The following GNAT1 variants were observed in gnomAD, a reference collection of about 807,000 sequenced individuals.
The protein encoded by GNAT1 is guanine nucleotide-binding protein G(t) subunit alpha-1.
In GNAT1, 36 loss-of-function variants were observed where a neutral mutation model predicts 40.0. The ratio of observed to expected loss-of-function variants is 0.90; its 90% CI spans 0.69 to 1.19. The LOEUF (loss-of-function observed/expected upper bound fraction) is 1.19. Ranked by LOEUF, GNAT1 falls within the 50% of genes most tolerant of loss-of-function variation. GNAT1 has a pLI of 0.00. For missense variants in GNAT1, 413 were observed against 480.6 expected (o/e 0.86, Z 1.32); for synonymous variants, 195 against 192.9 (o/e 1.01, Z -0.09).
At position 50,194,404 on chromosome 3, in the gene GNAT1, C is replaced by T; in HGVS notation, c.709-97C>T. 2.0e-6 allele frequency: 3 copies of T among 1,469,372 alleles called. No individual in the cohort carries two copies. Among genetic ancestry groups the T allele is most frequent in the Non-Finnish European group, 2.8e-6 (3 of 1,070,074 alleles). 91.0% of individuals were successfully genotyped at this position (1,469,372 alleles called of 1,614,324 possible). On this transcript the variant is annotated intron_variant, in intron 6 of 8. Coordinates refer to ENST00000232461, the MANE Select transcript of GNAT1 (RefSeq NM_144499.3). The surrounding 1 kb of genome is among the most constrained non-coding windows in gnomAD (Gnocchi z 6.1). ...GCAGTGCGGGGAGCCCTCTGAGAGC[C>T]AGCTGAGCGGGAAGCCCCGCGTGCC... is the stretch of plus-strand genomic sequence containing the variant.
rs924320609 is a variant in GNAT1, at chr3:50,195,284, G to A, written c.*18G>A. ...TTTTCACAGGTGCCTGAATTCATGC[G>A]TGTCAGTCACCCTGAGACCTGGTAG... On this transcript the variant is annotated 3_prime_UTR_variant, in exon 9 of 9. Transcript: ENST00000232461. The A allele has an allele frequency of 1.1e-4, 45 of 414,626 alleles. No homozygotes were observed. The highest frequency in any genetic ancestry group is 2.5e-4 in the Admixed American group (7 of 27,754). The allele number at this position is 414,626 out of a possible 1,614,324, so 25.7% of individuals were successfully genotyped here.
Position 50,193,139 on chromosome 3 carries a change from G to A in GNAT1, c.113G>A (p.Gly38Asp), listed in dbSNP as rs104893740. The A allele has an allele frequency of 6.2e-7, 1 of 1,613,924 alleles. No individual in the cohort carries two copies. Among genetic ancestry groups the A allele is most frequent in the South Asian group, 1.1e-5 (1 of 91,084 alleles). Residue 38 changes from glycine to aspartate, a missense_variant, in exon 2 of 9, where the codon GGT (glycine) becomes GAT (aspartate). Transcript: ENST00000232461. The surrounding 1 kb of genome is among the most constrained non-coding windows in gnomAD (Gnocchi z 8.1). ...RTVKLLLLGA[G>D]ESGKSTIVKQ... ...GGCGCCGCGTCTCTTTCAGGTGCCGGTGAGTCCGGGAAGAGCACCATCGTC... is the reference window on the plus strand; with the variant it reads ...GGCGCCGCGTCTCTTTCAGGTGCCGATGAGTCCGGGAAGAGCACCATCGTC...
rs759644439 is a variant in GNAT1 at position 50,193,512 on chromosome 3, G to A, written c.298G>A (p.Ala100Thr). The change falls in exon 4 of 9, where the codon GCC becomes ACC. Residue 100 changes from alanine (A) to threonine (T), a missense_variant. Physicochemically the swap from Ala to Thr is moderately conservative, Grantham distance 58. Coordinates refer to ENST00000232461, the MANE Select transcript of GNAT1 (RefSeq NM_144499.3). The surrounding 1 kb of genome is among the most constrained non-coding windows in gnomAD (Gnocchi z 8.1). The part of the protein sequence containing the change: ...QYGDSARQDD[A>T]RKLMHMADTI... Reference sequence around the variant, plus strand: ...ACTCTCACCCTGCCCCCAGGACGACGCCCGGAAGCTGATGCACATGGCAGA... The same window carrying A: ...ACTCTCACCCTGCCCCCAGGACGACACCCGGAAGCTGATGCACATGGCAGA... 1 of 1,613,302 alleles carries A rather than the reference G, an allele frequency of 6.2e-7. No individual in the cohort carries two copies. Among genetic ancestry groups the A allele is most frequent in the South Asian group, 1.1e-5 (1 of 91,074 alleles).
chr3:50,195,237 C>G, intron 8 of GNAT1, 31 bp from the exon 9 acceptor site: 1 of 514,904 alleles, frequency 1.9e-6, no homozygotes, highest in Non-Finnish European at 3.5e-6. Flanking sequence ...TTTTGGGTCT[C>G]AGGGATGCTG....
At position 50,193,262 on chromosome 3, in the gene GNAT1, C is replaced by A; in HGVS notation, c.150-3C>A. 1 of 1,614,204 alleles carries A rather than the reference C, an allele frequency of 6.2e-7. No homozygotes were observed. The highest frequency in any genetic ancestry group is 8.5e-7 in the Non-Finnish European group (1 of 1,180,036). On this transcript the variant is annotated splice_region_variant and splice_polypyrimidine_tract_variant and intron_variant, in intron 2 of 8. Transcript: ENST00000232461. The surrounding 1 kb of genome is among the most constrained non-coding windows in gnomAD (Gnocchi z 8.1). ...GCGCTGATTCTGCTCTCCTCGGCCT[C>A]AGGATTATCCACCAGGACGGGTACT...
Position 50,193,364 on chromosome 3 carries a change from C to G in GNAT1, c.249C>G (p.Ala83=). The G allele has an allele frequency of 6.2e-7, 1 of 1,614,106 alleles. No homozygotes were observed. The highest frequency in any genetic ancestry group is 8.5e-7 in the Non-Finnish European group (1 of 1,179,978). The change falls in exon 3 of 9, where the codon GCC becomes GCG. Residue 83 remains alanine (A), a synonymous_variant. Transcript: ENST00000232461. The surrounding 1 kb of genome is among the most constrained non-coding windows in gnomAD (Gnocchi z 8.1). ...AGTCCATCCTGGCCATCGTACGCGC[C>G]ATGACCACACTCAACATCCAGTACG... The part of the protein sequence containing the change: ...TLQSILAIVR[A]MTTLNIQYGD...
Position 50,196,887 on chromosome 3 carries a change from A to G in GNAT1, c.*1621A>G, listed in dbSNP as rs1699511463. On this transcript the variant is annotated 3_prime_UTR_variant, in exon 9 of 9. Transcript: ENST00000232461. ...TGGACAGGTGCCCAAAGCCAGTCGG[A>G]GGGCCTGGGCTTTCTCAGAAGGTGA... Among the ~76,000 whole-genome samples, 1 of 152,082 alleles carries G rather than the reference A, an allele frequency of 6.6e-6. No individual in the cohort carries two copies. Among genetic ancestry groups the G allele is most frequent in the Admixed American group, 6.6e-5 (1 of 15,258 alleles).
At position 50,193,471 on chromosome 3, in the gene GNAT1, C is replaced by A; in HGVS notation, c.292-35C>A. On this transcript the variant is annotated intron_variant, in intron 3 of 8. Transcript: ENST00000232461. This position sits in a 1 kb window ranked among gnomAD's most constrained non-coding sequence, Gnocchi z 8.1. ...GAGGCTCGCGGCTGGGCCCGAGTCC[C>A]TGGCCGCCACCAGCCACTCTCACCC... 1 of 1,605,922 alleles carries A rather than the reference C, an allele frequency of 6.2e-7. No individual in the cohort carries two copies. The highest frequency in any genetic ancestry group is 2.3e-5 in the East Asian group (1 of 44,134).
rs1699499175 is a variant in GNAT1 at position 50,196,164 on chromosome 3, T to C, written c.*898T>C. ...AGCTCCCTTGGATCAGCCCAGAGGATTCAGGATAGGACAAAGGCCCTGGCT... is the reference window on the plus strand; with the variant it reads ...AGCTCCCTTGGATCAGCCCAGAGGACTCAGGATAGGACAAAGGCCCTGGCT... On this transcript the variant is annotated 3_prime_UTR_variant, in exon 9 of 9. Transcript: ENST00000232461. 6.6e-6 allele frequency: 1 copy of C among 152,262 alleles called. No homozygotes were observed. Among genetic ancestry groups the C allele is most frequent in the Non-Finnish European group, 1.5e-5 (1 of 68,086 alleles). 9.4% of individuals were successfully genotyped at this position (152,262 alleles called of 1,614,324 possible). A position where few individuals can be genotyped will look rare whatever the true frequency, so the allele number is the denominator to read the frequency against.
At position 50,193,044 on chromosome 3, in the gene GNAT1, GC is replaced by G; in HGVS notation, c.107-87del. 1 of 1,416,094 alleles carries G rather than the reference GC, an allele frequency of 7.1e-7. No homozygotes were observed. Among genetic ancestry groups the G allele is most frequent in the Middle Eastern group, 2.2e-4 (1 of 4,528 alleles). 87.7% of individuals were successfully genotyped at this position (1,416,094 alleles called of 1,614,324 possible). A position where few individuals can be genotyped will look rare whatever the true frequency, so the allele number is the denominator to read the frequency against. ...GGCCTCTTCGCTGCGGGTCCACCCT[GC>G]CAACTCGGGAGGTCCCCGTCCTCCT... is the stretch of plus-strand genomic sequence containing the variant. On this transcript the variant is annotated intron_variant, in intron 1 of 8. Transcript: ENST00000232461. The surrounding 1 kb of genome is among the most constrained non-coding windows in gnomAD (Gnocchi z 8.1).
rs1213030549 is a variant in GNAT1 at position 50,193,836 on chromosome 3, C to T, written c.533C>T (p.Thr178Ile). 1 of 1,613,228 alleles carries T rather than the reference C, an allele frequency of 6.2e-7. No homozygotes were observed. The highest frequency in any genetic ancestry group is 1.1e-5 in the South Asian group (1 of 91,086). The part of the protein sequence containing the change: ...QDVLRSRVKT[T>I]GIIETQFSFK... ...GTGCTGCGCTCGCGAGTCAAGACCA[C>T]TGGCATCATCGAGACGCAGTTCTCC... is the stretch of plus-strand genomic sequence containing the variant. The change falls in exon 5 of 9, where the codon ACT becomes ATT. Residue 178 changes from threonine (T) to isoleucine (I), a missense_variant. Coordinates refer to ENST00000232461, the MANE Select transcript of GNAT1 (RefSeq NM_144499.3). This position sits in a 1 kb window ranked among gnomAD's most constrained non-coding sequence, Gnocchi z 8.1.
Position 50,194,081 on chromosome 3 carries a change from C to G in GNAT1, c.579-11C>G. 6.2e-7 allele frequency: 1 copy of G among 1,612,704 alleles called. No homozygotes were observed. Among genetic ancestry groups the G allele is most frequent in the Non-Finnish European group, 8.5e-7 (1 of 1,179,248 alleles). On this transcript the variant is annotated splice_polypyrimidine_tract_variant and intron_variant, in intron 5 of 8. Transcript: ENST00000232461. This position sits in a 1 kb window ranked among gnomAD's most constrained non-coding sequence, Gnocchi z 6.1. ...CCCGGGGCGCAGGTTCAGGCCCCCGCGGCCCCGCAGGATGTTCGATGTGGG... is the reference window on the plus strand; with the variant it reads ...CCCGGGGCGCAGGTTCAGGCCCCCGGGGCCCCGCAGGATGTTCGATGTGGG...
Position 50,193,889 on chromosome 3 carries a change from C to G in GNAT1, c.578+8C>G. ...CAAGGATCTCAACTTCCGGTACGAC[C>G]CATACGCTAGCCCAGGAGGTCACTG... On this transcript the variant is annotated splice_region_variant and intron_variant, in intron 5 of 8. Transcript: ENST00000232461. This position sits in a 1 kb window ranked among gnomAD's most constrained non-coding sequence, Gnocchi z 8.1. 1.9e-6 allele frequency: 3 copies of G among 1,613,280 alleles called. No homozygotes were observed. Among genetic ancestry groups the G allele is most frequent in the South Asian group, 1.1e-5 (1 of 91,076 alleles).
Position 50,194,319 on chromosome 3 carries a change from G to A in GNAT1, c.708+98G>A. On this transcript the variant is annotated intron_variant, in intron 6 of 8. Coordinates refer to ENST00000232461, the MANE Select transcript of GNAT1 (RefSeq NM_144499.3). The surrounding 1 kb of genome is among the most constrained non-coding windows in gnomAD (Gnocchi z 6.1). ...CGCTGGGCTGGGGGAGGGCACGGGA[G>A]GGGATGCCTGTCCCGGGCGGCCTGA... The A allele has an allele frequency of 2.1e-6, 3 of 1,455,126 alleles. No homozygotes were observed. The highest frequency in any genetic ancestry group is 2.8e-6 in the Non-Finnish European group (3 of 1,065,524). The allele number at this position is 1,455,126 out of a possible 1,614,324, so 90.1% of individuals were successfully genotyped here.
chr3:50,193,926 G>A lies in GNAT1; in HGVS notation c.578+45G>A. 1.2e-6 allele frequency: 2 copies of A among 1,612,068 alleles called. No individual in the cohort carries two copies. Among genetic ancestry groups the A allele is most frequent in the East Asian group, 2.2e-5 (1 of 44,864 alleles). On this transcript the variant is annotated intron_variant, in intron 5 of 8. Coordinates refer to ENST00000232461, the MANE Select transcript of GNAT1 (RefSeq NM_144499.3). The surrounding 1 kb of genome is among the most constrained non-coding windows in gnomAD (Gnocchi z 8.1). ...CCAGGAGGTCACTGCCCCAGGCCCCGTCCTGCCCCGGGGACCCCATCCCTG... is the reference window on the plus strand; with the variant it reads ...CCAGGAGGTCACTGCCCCAGGCCCCATCCTGCCCCGGGGACCCCATCCCTG...
rs751585772 is a variant in GNAT1, at chr3:50,194,600, T to C, written c.808T>C (p.Phe270Leu). 8.1e-6 allele frequency: 13 copies of C among 1,613,716 alleles called. No individual in the cohort carries two copies. Among genetic ancestry groups the C allele is most frequent in the Middle Eastern group, 1.7e-4 (1 of 6,058 alleles). Residue 270 changes from phenylalanine (F) to leucine (L), a missense_variant, in exon 7 of 9, where the codon TTC becomes CTC. Phe to Leu is a conservative substitution (Grantham distance 22). Transcript: ENST00000232461. The surrounding 1 kb of genome is among the most constrained non-coding windows in gnomAD (Gnocchi z 6.1). ...IVLFLNKKDV[F>L]FEKIKKAHLS... ...GCTCTTCCTTAACAAGAAGGACGTC[T>C]TCTTCGAGAAGATCAAGAAGGCGCA...
rs1009954142 is a variant in GNAT1, at chr3:50,197,012, C to T, written c.*1746C>T. 3.7e-4 allele frequency among the ~76,000 whole-genome samples: 56 copies of T among 151,886 alleles called. No homozygotes were observed. The highest frequency in any genetic ancestry group is 2.4e-5 in the African/African-American group (1 of 41,314). On this transcript the variant is annotated 3_prime_UTR_variant, in exon 9 of 9. Coordinates refer to ENST00000232461, the MANE Select transcript of GNAT1 (RefSeq NM_144499.3). Reference sequence around the variant, plus strand: ...CTCACCTTGGGTGCAACATTTAAGGCGATGCCAAAAAATTTAGTAACCAAG... The same window carrying T: ...CTCACCTTGGGTGCAACATTTAAGGTGATGCCAAAAAATTTAGTAACCAAG...
In GNAT1 at chr3:50,197,606, T is replaced by C. The variant is rs1365880696; in HGVS notation, c.*2340T>C. 1.3e-5 allele frequency among the ~76,000 whole-genome samples: 2 copies of C among 152,186 alleles called. No individual in the cohort carries two copies. Among genetic ancestry groups the C allele is most frequent in the Non-Finnish European group, 2.9e-5 (2 of 68,030 alleles). On this transcript the variant is annotated 3_prime_UTR_variant, in exon 9 of 9. Coordinates refer to ENST00000232461, the MANE Select transcript of GNAT1 (RefSeq NM_144499.3). Reference sequence around the variant, plus strand: ...ATTCCATTGTATATATTCCACACTTTGTTTATTTATTCATCTATTGATGAA... The same window carrying C: ...ATTCCATTGTATATATTCCACACTTCGTTTATTTATTCATCTATTGATGAA...
intron 8 of GNAT1, 100 bp downstream of exon 8, chr3:50,195,056 A>G (rs961455350): frequency 1.2e-5 from 10 of 868,076 alleles, no homozygotes; most frequent in African/African-American, 3.6e-5. Context: ...CAAATCCTGG[A>G]GCCTACTGCC....
Sources: gnomAD v4.1 joint callset for allele counts (sites outside exome capture counted in the v4.1 genomes callset) on GRCh38, gnomAD v4.1.1 for gene constraint, Gnocchi (gnomAD v3.1) non-coding constraint, MANE v1.5 for transcripts, NCBI Gene and HGNC (gene_info 2026-07-23, HGNC 2026-07-21) for gene names.